The following DMD variants were observed in gnomAD, a reference collection of about 807,000 sequenced individuals.
The protein encoded by DMD is dystrophin.
In DMD, 63 loss-of-function variants were observed where a neutral mutation model predicts 330.1. That is an observed-to-expected ratio of 0.19 (90% CI 0.16 to 0.24). The LOEUF is 0.24. DMD is among the 10% of genes least tolerant of loss of function. The probability of loss-of-function intolerance (pLI) is 1.00; values close to 1 mark genes in which losing one functional copy is unlikely to be tolerated. For synonymous variants in DMD, 1,223 were observed against 959.8 expected (o/e 1.27, Z -5.07); for missense variants, 3,344 against 2,684.1 (o/e 1.25, Z -5.43).
intron 13 of DMD, among the ~76,000 whole-genome samples, chrX:32,586,076 T>G (rs1036879801): frequency 1.8e-5 from 2 of 111,367 alleles, no homozygotes; most frequent in African/African-American, 6.5e-5. Context: ...CAATGTGCAG[T>G]TGAAAAAACA....
chrX:31,665,734 T>C (rs1295812158), intron 53 of DMD, among the ~76,000 whole-genome samples: 1 of 112,038 alleles, frequency 8.9e-6, no homozygotes, highest in Admixed American at 9.5e-5. Flanking sequence ...GACTAGTAAA[T>C]GTGTTATCGG....
chrX:31,451,305 G>T (rs2065728177), intron 59 of DMD, among the ~76,000 whole-genome samples: 2 of 85,098 alleles, frequency 2.4e-5, no homozygotes, highest in African/African-American at 4.6e-5. Context: ...TTTCCAAGGT[G>T]GAGTTTCACT....
At chrX:32,107,612 G>T (rs192398068) in intron 44 of DMD, among the ~76,000 whole-genome samples, 1 of 110,453 alleles carries the variant, frequency 9.1e-6, no homozygotes, top group African/African-American at 3.3e-5. Context: ...CGGGCAGAAC[G>T]ATTCCCTTTT....
chrX:31,458,163 G>C (rs779848546), intron 59 of DMD, among the ~76,000 whole-genome samples: 1 of 111,151 alleles, frequency 9.0e-6, no homozygotes, highest in Non-Finnish European at 1.9e-5. Flanking sequence ...AGGCTGAAAA[G>C]AAAGTCTTAT....
chrX:31,722,289 T>G (rs778926341), intron 52 of DMD, among the ~76,000 whole-genome samples: 1 of 109,578 alleles, frequency 9.1e-6, no homozygotes, highest in African/African-American at 3.3e-5. Flanking sequence ...TGGCTAATTT[T>G]TTTGTATTTT....
intron 11 of DMD, among the ~76,000 whole-genome samples, chrX:32,640,269 C>T (rs752112568): frequency 9.3e-6 from 1 of 107,243 alleles, no homozygotes; most frequent in African/African-American, 3.4e-5. Flanking sequence ...TTTTTATACC[C>T]TATCTCATCT....
Position 31,649,523 on chromosome X carries a change from C to T in DMD, c.8027+8467G>A, listed in dbSNP as rs146397973. 3.9e-3 allele frequency among the ~76,000 whole-genome samples: 434 copies of T among 111,147 alleles called. 4 individuals are homozygous for T. Among genetic ancestry groups the T allele is most frequent in the African/African-American group, 0.013 (405 of 30,553 alleles). On this transcript the variant is annotated intron_variant, in intron 54 of 78. Transcript: ENST00000357033. ...ATATGGATCATGACACTCTCTGGCC[C>T]GGAGCCCCAAGATTTCACATCATAG... is the stretch of plus-strand genomic sequence containing the variant.
At chrX:31,723,379 C>A (rs2085731536) in intron 52 of DMD, among the ~76,000 whole-genome samples, 1 of 111,056 alleles carries the variant, frequency 9.0e-6, no homozygotes, top group South Asian at 3.8e-4. Context: ...AACTCCTTAT[C>A]CTGAGTTTGT....
At chrX:32,872,958 T>C (rs1388820065) in intron 2 of DMD, among the ~76,000 whole-genome samples, 1 of 112,105 alleles carries the variant, frequency 8.9e-6, no homozygotes, top group South Asian at 3.7e-4. Flanking sequence ...TGGTGGCTAA[T>C]CTTATTTAAA....
intron 43 of DMD, among the ~76,000 whole-genome samples, chrX:32,240,156 G>A (rs761698173): frequency 1.1e-4 from 12 of 111,587 alleles, no homozygotes; most frequent in Non-Finnish European, 2.3e-4. Flanking sequence ...TACTTGGTGG[G>A]CTTCAATATA....
intron 55 of DMD, among the ~76,000 whole-genome samples, chrX:31,585,380 C>T (rs12010559): frequency 0.068 from 7,277 of 106,779 alleles, 324 homozygotes; most frequent in Admixed American, 0.17. Context: ...AGGGTGGGAC[C>T]ACTGTTAGCT....
At chrX:31,490,766 A>T (rs1013141369) in intron 57 of DMD, among the ~76,000 whole-genome samples, 3 of 111,945 alleles carry the variant, frequency 2.7e-5, no homozygotes, top group African/African-American at 9.7e-5. Context: ...GCTAACATAC[A>T]TACTAAAATG....
At chrX:32,917,049 G>T in intron 2 of DMD, among the ~76,000 whole-genome samples, 1 of 110,956 alleles carries the variant, frequency 9.0e-6, no homozygotes, top group Non-Finnish European at 1.9e-5. Flanking sequence ...TTGTGTCAGG[G>T]GAGGGACCTG....
At chrX:32,001,246 G>A (rs773810540) in intron 44 of DMD, among the ~76,000 whole-genome samples, 1 of 110,904 alleles carries the variant, frequency 9.0e-6, no homozygotes, top group Non-Finnish European at 1.9e-5. Flanking sequence ...TTAAAAAGGC[G>A]ATTTTTTTGT....
At chrX:31,897,313 A>G (rs1452345576) in intron 47 of DMD, among the ~76,000 whole-genome samples, 1 of 110,691 alleles carries the variant, frequency 9.0e-6, no homozygotes, top group Non-Finnish European at 1.9e-5. Context: ...TTCTTAATCC[A>G]GTCTATCATT....
At chrX:32,811,661 G>C (rs1810830752) in intron 6 of DMD, among the ~76,000 whole-genome samples, 1 of 111,762 alleles carries the variant, frequency 8.9e-6, no homozygotes. Context: ...AGGAGTGTAA[G>C]AGGCAGTTCT....
chrX:32,014,812 C>T (rs1317371102), intron 44 of DMD, among the ~76,000 whole-genome samples: 5 of 111,917 alleles, frequency 4.5e-5, no homozygotes, highest in Non-Finnish European at 7.5e-5. Context: ...AAGATTAAAA[C>T]GTTTAGACCC....
chrX:33,010,614 C>T (rs770383473), intron 2 of DMD, among the ~76,000 whole-genome samples: 11 of 110,880 alleles, frequency 9.9e-5, no homozygotes, highest in Non-Finnish European at 1.9e-4. Flanking sequence ...ACGTTTTGGA[C>T]GAAGAATGCT....
intron 29 of DMD, among the ~76,000 whole-genome samples, chrX:32,423,962 C>A (rs969056447): frequency 1.8e-4 from 20 of 111,099 alleles, no homozygotes; most frequent in African/African-American, 6.2e-4. Context: ...TTCTAATTTA[C>A]AAAGAAAATA....
Sources: allele counts gnomAD v4.1 joint callset (sites outside exome capture counted in the v4.1 genomes callset), GRCh38; gene constraint gnomAD v4.1.1; transcripts MANE v1.5; gene names NCBI Gene and HGNC (gene_info 2026-07-23, HGNC 2026-07-21).